The following LRP12 variants were observed in gnomAD, a reference collection of about 807,000 sequenced individuals.
LRP12 encodes low-density lipoprotein receptor-related protein 12.
In LRP12, 14 loss-of-function variants were observed where a neutral mutation model predicts 66.0. The ratio of observed to expected loss-of-function variants is 0.21; its 90% CI spans 0.14 to 0.33. The LOEUF (loss-of-function observed/expected upper bound fraction) is 0.33. Among genes scored for constraint, LRP12 ranks in the 10% least tolerant of loss-of-function variants. The pLI, the probability that LRP12 is intolerant of heterozygous loss-of-function variation, is 1.00. For synonymous variants in LRP12, 357 were observed against 359.1 expected (o/e 0.99, Z 0.07); for missense variants, 889 against 1,053.4 (o/e 0.84, Z 2.16).
At chr8:104,580,491 C>T (rs1342627802) in intron 1 of LRP12, among the ~76,000 whole-genome samples, 2 of 151,480 alleles carry the variant, frequency 1.3e-5, no homozygotes, top group African/African-American at 4.8e-5. Flanking sequence ...GATTGTGCCA[C>T]TGCACTCCAG....
chr8:104,497,441 C>T lies in LRP12; in HGVS notation c.1111G>A (p.Val371Ile), dbSNP rs763892711. The change falls in exon 5 of 7, where the codon GTA becomes ATA. Residue 371 changes from valine (V) to isoleucine (I), a missense_variant. Physicochemically the swap from Val to Ile is conservative, Grantham distance 29. This residue lies in a region of LRP12 where 800 missense variants were observed against 964.5 expected (regional missense o/e 0.83). Transcript: ENST00000276654. The surrounding 1 kb of genome is among the most constrained non-coding windows in gnomAD (Gnocchi z 4.3). Reference protein sequence around the residue: ...AARGFNATYQVDGFCLPWEIP... With the variant: ...AARGFNATYQIDGFCLPWEIP... ...TCCCATGGCAAACAGAACCCATCTA[C>T]TTGGTAAGTAGCATTAAATCCCCTT... 6.2e-7 allele frequency: 1 copy of T among 1,614,178 alleles called. No individual in the cohort carries two copies. The highest frequency in any genetic ancestry group is 8.5e-7 in the Non-Finnish European group (1 of 1,180,020).
At chr8:104,550,904 T>G (rs188868885) in intron 1 of LRP12, among the ~76,000 whole-genome samples, 1 of 152,318 alleles carries the variant, frequency 6.6e-6, no homozygotes, top group Admixed American at 6.5e-5. Flanking sequence ...TCATGAATCC[T>G]CTATCATTCT....
At chr8:104,536,537 T>TA (rs1442478651) in intron 1 of LRP12, among the ~76,000 whole-genome samples, 1 of 152,082 alleles carries the variant, frequency 6.6e-6, no homozygotes, top group African/African-American at 2.4e-5. Context: ...TTAGTCCATG[T>TA]AAGTAAGAGG....
chr8:104,524,426 C>T (rs1811198636), intron 2 of LRP12, among the ~76,000 whole-genome samples: 1 of 151,984 alleles, frequency 6.6e-6, no homozygotes, highest in African/African-American at 2.4e-5. Flanking sequence ...TGCCCCTAAC[C>T]ACCATGTTGT....
intron 1 of LRP12, among the ~76,000 whole-genome samples, chr8:104,572,238 C>T (rs924417060): frequency 6.6e-6 from 1 of 152,106 alleles, no homozygotes; most frequent in African/African-American, 2.4e-5. Context: ...GTGGCTATCA[C>T]AGATTATGGG....
chr8:104,564,631 A>T (rs1205583760), intron 1 of LRP12, among the ~76,000 whole-genome samples: 1 of 149,066 alleles, frequency 6.7e-6, no homozygotes. Context: ...TATCATTATG[A>T]AAAAAAAAAG....
chr8:104,522,579 A>G (rs1259058982), intron 2 of LRP12, among the ~76,000 whole-genome samples: 1 of 152,162 alleles, frequency 6.6e-6, no homozygotes, highest in Non-Finnish European at 1.5e-5. Flanking sequence ...AGCTAACCTC[A>G]GACAGAGACT....
chr8:104,570,818 G>C (rs2140893861), intron 1 of LRP12, among the ~76,000 whole-genome samples: 1 of 151,708 alleles, frequency 6.6e-6, no homozygotes, highest in Admixed American at 6.6e-5. Context: ...GCACTGTCTA[G>C]AGAAAAAAAA....
chr8:104,507,180 T>C (rs1810922913), intron 3 of LRP12: 1 of 152,196 alleles, frequency 6.6e-6, no homozygotes, highest in Non-Finnish European at 1.5e-5. Flanking sequence ...TGTCTTTGTG[T>C]ATATGCAGGT....
intron 1 of LRP12, among the ~76,000 whole-genome samples, chr8:104,537,389 G>A (rs575532649): frequency 2.0e-5 from 3 of 152,218 alleles, no homozygotes; most frequent in Admixed American, 2.0e-4. Context: ...CTGCACATGT[G>A]TAAGGTGACA....
chr8:104,514,579 G>A (rs570098118), intron 2 of LRP12, among the ~76,000 whole-genome samples: 1 of 150,904 alleles, frequency 6.6e-6, no homozygotes, highest in Admixed American at 6.6e-5. Context: ...GCCAGGCGTG[G>A]TGGTGCGCAC....
intron 1 of LRP12, among the ~76,000 whole-genome samples, chr8:104,562,024 A>G (rs1053042073): frequency 2.6e-5 from 4 of 152,288 alleles, no homozygotes; most frequent in African/African-American, 7.2e-5. Flanking sequence ...CAGAGGTCTT[A>G]AGAGGGTATA....
chr8:104,510,392 T>C (rs1324106690), intron 2 of LRP12, among the ~76,000 whole-genome samples: 1 of 152,220 alleles, frequency 6.6e-6, no homozygotes, highest in Non-Finnish European at 1.5e-5. Context: ...AATATCACCA[T>C]GTGATTAGAC....
chr8:104,493,259 C>T (rs1373002377), intron 6 of LRP12, among the ~76,000 whole-genome samples: 4 of 152,174 alleles, frequency 2.6e-5, no homozygotes, highest in African/African-American at 4.8e-5. Context: ...TGGTGAATTA[C>T]ATCATTACTT....
intron 1 of LRP12, among the ~76,000 whole-genome samples, chr8:104,582,587 A>G (rs1288448244): frequency 6.6e-6 from 1 of 152,164 alleles, no homozygotes; most frequent in Non-Finnish European, 1.5e-5. Flanking sequence ...TACACTTAAA[A>G]CATTGTAAAA....
chr8:104,534,812 T>G (rs1373020907), intron 1 of LRP12, among the ~76,000 whole-genome samples: 1 of 151,894 alleles, frequency 6.6e-6, no homozygotes, highest in Non-Finnish European at 1.5e-5. Flanking sequence ...GATGTCACTT[T>G]CAATTATTTC....
At chr8:104,535,204 C>T (rs1811377930) in intron 1 of LRP12, among the ~76,000 whole-genome samples, 1 of 151,832 alleles carries the variant, frequency 6.6e-6, no homozygotes, top group Non-Finnish European at 1.5e-5. Context: ...TCACTAAACA[C>T]CAAGAAGTAA....
In LRP12 at chr8:104,549,458, AGTG is replaced by A. The variant is rs1323192150; in HGVS notation, c.80-17498_80-17496del. 6.2e-4 allele frequency among the ~76,000 whole-genome samples: 80 copies of A among 129,888 alleles called. 1 individual carries two copies. The highest frequency in any genetic ancestry group is 1.5e-5 in the Non-Finnish European group (1 of 64,980). The allele number at this position is 129,888 out of a possible 152,430, so 85.2% of individuals were successfully genotyped here. A position where few individuals can be genotyped will look rare whatever the true frequency, so the allele number is the denominator to read the frequency against. ...TGCTCTGTCGCCCAGGCTGGAGTGT[AGTG>A]GTACGATCTCGGCTCACCGCAAGCT... On this transcript the variant is annotated intron_variant, in intron 1 of 6. Transcript: ENST00000276654.
chr8:104,495,306 A>AT, intron 5 of LRP12, 97 bp from the exon 6 acceptor site: 2 of 1,194,770 alleles, frequency 1.7e-6, no homozygotes, highest in South Asian at 2.8e-5. Flanking sequence ...GAGTCTTGGC[A>AT]TATTTGATCA....
Sources: allele counts gnomAD v4.1 joint callset (sites outside exome capture counted in the v4.1 genomes callset), GRCh38; gene constraint gnomAD v4.1.1; regional missense constraint gnomAD v4.1.1; non-coding constraint Gnocchi (gnomAD v3.1); transcripts MANE v1.5; gene names NCBI Gene and HGNC (gene_info 2026-07-23, HGNC 2026-07-21).